RGS12: variants seen among roughly 807,000 people sequenced by gnomAD.
RGS12 encodes the protein regulator of G protein signaling 12.
In RGS12, 66 loss-of-function variants were observed where a neutral mutation model predicts 120.1. The ratio of observed to expected loss-of-function variants is 0.55; its 90% CI spans 0.45 to 0.67. The LOEUF (loss-of-function observed/expected upper bound fraction) is 0.67. RGS12 is among the 30% of genes least tolerant of loss of function. The pLI is 0.00. For missense variants in RGS12, 1,859 were observed against 1,957.7 expected (o/e 0.95, Z 0.95); for synonymous variants, 827 against 804.7 (o/e 1.03, Z -0.47).
chr4:3,348,348 T>A (rs1427245505), intron 3 of RGS12, among the ~76,000 whole-genome samples: 1 of 152,176 alleles, frequency 6.6e-6, no homozygotes, highest in Non-Finnish European at 1.5e-5. Context: ...CACAGGAAAT[T>A]ATCTTGATAA....
intron 3 of RGS12, among the ~76,000 whole-genome samples, chr4:3,360,431 T>C (rs1251789356): frequency 6.6e-6 from 1 of 152,134 alleles, no homozygotes; most frequent in Non-Finnish European, 1.5e-5. Context: ...GTTTTTTGTT[T>C]TTTCCCTAGT....
intron 1 of RGS12, among the ~76,000 whole-genome samples, chr4:3,305,392 C>T (rs548892969): frequency 1.3e-5 from 2 of 152,172 alleles, no homozygotes; most frequent in Non-Finnish European, 2.9e-5. Flanking sequence ...ATGTCCCTCC[C>T]ATGTACAAAA....
At chr4:3,423,093 C>T (rs1723209836) in intron 12 of RGS12, 115 bp downstream of exon 12, 2 of 636,074 alleles carry the variant, frequency 3.1e-6, no homozygotes, top group South Asian at 4.3e-5. Context: ...TGCTGGGCTA[C>T]GATGGGGTGT....
At chr4:3,305,698 G>A (rs1284913463) in intron 1 of RGS12, among the ~76,000 whole-genome samples, 2 of 141,762 alleles carry the variant, frequency 1.4e-5, no homozygotes, top group Admixed American at 1.5e-4. Flanking sequence ...TTCAGAGGCA[G>A]GAAGGAGCCT....
intron 2 of RGS12, among the ~76,000 whole-genome samples, chr4:3,336,731 A>G (rs2108754227): frequency 6.6e-6 from 1 of 152,354 alleles, no homozygotes; most frequent in South Asian, 2.1e-4. Flanking sequence ...CATTACATCA[A>G]ATGTAAAAAC....
chr4:3,312,885 G>T (rs774663055), intron 1 of RGS12: 9 of 165,806 alleles, frequency 5.4e-5, no homozygotes, highest in African/African-American at 1.9e-4. Context: ...TATTAGATAC[G>T]TGACTTAAAA....
chr4:3,391,678 C>T (rs898717434), intron 4 of RGS12, among the ~76,000 whole-genome samples: 1 of 152,182 alleles, frequency 6.6e-6, no homozygotes, highest in Non-Finnish European at 1.5e-5. Context: ...CAGTGTCCGC[C>T]CTGTTTGGTG....
chr4:3,302,391 T>C (rs1431159222), intron 1 of RGS12, among the ~76,000 whole-genome samples: 1 of 140,884 alleles, frequency 7.1e-6, no homozygotes, highest in Non-Finnish European at 1.6e-5. Flanking sequence ...GTGGGTGGGG[T>C]TGGGGGCTTG....
intron 6 of RGS12, among the ~76,000 whole-genome samples, chr4:3,415,080 C>T (rs1249416974): frequency 2.2e-5 from 2 of 89,994 alleles, no homozygotes; most frequent in East Asian, 6.5e-4. Context: ...TGTGAGGTCG[C>T]GTGTGTGAGG....
intron 4 of RGS12, among the ~76,000 whole-genome samples, chr4:3,400,383 G>A (rs562693524): frequency 2.6e-4 from 39 of 152,262 alleles, no homozygotes; most frequent in South Asian, 8.3e-4. Context: ...AGTGATTTTT[G>A]TGGGGCTCTC....
intron 5 of RGS12, 135 bp from the exon 6 acceptor site, chr4:3,414,617 C>T (rs931493910): frequency 3.1e-5 from 21 of 686,306 alleles, no homozygotes; most frequent in Non-Finnish European, 4.6e-5. Flanking sequence ...TGCTGGGCAG[C>T]GATGAGGTTT....
Position 3,425,563 on chromosome 4 carries a change from G to C in RGS12, c.3331+3G>C. On this transcript the variant is annotated splice_donor_region_variant and intron_variant, in intron 14 of 17. Transcript: ENST00000336727. ...GAAGGATCCTTCCAGAGGAAAGGGTGAGTAGGGCTGGTGCAGCGGATGGGG... is the reference window on the plus strand; with the variant it reads ...GAAGGATCCTTCCAGAGGAAAGGGTCAGTAGGGCTGGTGCAGCGGATGGGG... The C allele has an allele frequency of 6.2e-7, 1 of 1,606,328 alleles. No individual in the cohort carries two copies. Among genetic ancestry groups the C allele is most frequent in the Non-Finnish European group, 8.5e-7 (1 of 1,177,176 alleles).
intron 4 of RGS12, among the ~76,000 whole-genome samples, chr4:3,398,736 T>C (rs893098087): frequency 3.4e-5 from 5 of 149,192 alleles, no homozygotes; most frequent in African/African-American, 1.2e-4. Context: ...GAGATCAAGC[T>C]GAAAAAAAAA....
intron 2 of RGS12, among the ~76,000 whole-genome samples, chr4:3,322,612 A>C (rs1381471379): frequency 6.6e-6 from 1 of 152,216 alleles, no homozygotes; most frequent in Non-Finnish European, 1.5e-5. Context: ...TAATTAAAAT[A>C]CCTGGTTAAG....
rs1392708474 is a variant in RGS12 at position 3,422,965 on chromosome 4, C to T, written c.3094C>T (p.Arg1032Cys). ...LESRDLRLEK[R>C]TLFRLDLVPI... ...GTCAAGGGACCTGCGCCTAGAAAAG[C>T]GCACCTTGTTTCGGTAAGAGGAAGA... is the stretch of plus-strand genomic sequence containing the variant. Residue 1032 changes from arginine (R) to cysteine (C), a missense_variant, in exon 12 of 18, where the codon CGC becomes TGC. Arg to Cys is a radical substitution (Grantham distance 180, BLOSUM62 -3). This residue lies in a region of RGS12 where 375 missense variants were observed against 475.0 expected (regional missense o/e 0.79). Transcript: ENST00000336727. 4 of 1,613,086 alleles carry T rather than the reference C, an allele frequency of 2.5e-6. No homozygotes were observed. Among genetic ancestry groups the T allele is most frequent in the East Asian group, 2.2e-5 (1 of 44,874 alleles).
Position 3,428,602 on chromosome 4 carries a change from A to G in RGS12, c.3456A>G (p.Lys1152=). ...GCAAGTCTAATTCTATTAAAATAAA[A>G]GGAGAAAATGGAAAAAATGCTAGGG... ...TLGKSNSIKI[K]GENGKNARDP... The change falls in exon 16 of 18, where the codon AAA becomes AAG. Residue 1152 remains lysine (K), a synonymous_variant. Transcript: ENST00000336727. 6.2e-7 allele frequency: 1 copy of G among 1,604,310 alleles called. No individual in the cohort carries two copies. Among genetic ancestry groups the G allele is most frequent in the Non-Finnish European group, 8.5e-7 (1 of 1,177,226 alleles).
chr4:3,413,767 G>A (rs931780269), intron 4 of RGS12: 17 of 326,922 alleles, frequency 5.2e-5, no homozygotes, highest in Non-Finnish European at 9.1e-5. Context: ...GAGTGTGCAC[G>A]TGTGAGCATA....
At chr4:3,423,435 T>G in intron 12 of RGS12, 80 bp from the exon 13 acceptor site, 1 of 1,575,908 alleles carries the variant, frequency 6.3e-7, no homozygotes, top group Non-Finnish European at 8.7e-7. Context: ...CCTGGGGCTG[T>G]GCTGTAGTTC....
chr4:3,409,118 C>T (rs919200291), intron 4 of RGS12, among the ~76,000 whole-genome samples: 1 of 152,190 alleles, frequency 6.6e-6, no homozygotes, highest in Non-Finnish European at 1.5e-5. Context: ...CACACCGCCC[C>T]CAAGCCATGC....
Sources: gnomAD v4.1 joint callset for allele counts (sites outside exome capture counted in the v4.1 genomes callset) on GRCh38, gnomAD v4.1.1 for gene constraint, gnomAD v4.1.1 regional missense constraint, MANE v1.5 for transcripts, NCBI Gene and HGNC (gene_info 2026-07-23, HGNC 2026-07-21) for gene names.